Variants in GRID2 observed in about 807,000 individuals in gnomAD.
The protein encoded by GRID2 is glutamate receptor ionotropic, delta-2.
A neutral mutation model predicts 114.8 loss-of-function variants in GRID2; 33 were observed. The observed-to-expected ratio is 0.29, with a 90% confidence interval of 0.22 to 0.38. The LOEUF is 0.38. GRID2 is among the 10% of genes least tolerant of loss of function. The pLI, the probability that GRID2 is intolerant of heterozygous loss-of-function variation, is 1.00. For synonymous variants in GRID2, 505 were observed against 449.9 expected, an observed-to-expected ratio of 1.12 and a Z score of -1.55; for missense variants, 1,184 against 1,257.7, an observed-to-expected ratio of 0.94 and a Z score of 0.89.
At chr4:92,846,869 A>G (rs1173305862) in intron 2 of GRID2, among the ~76,000 whole-genome samples, 2 of 152,054 alleles carry the variant, frequency 1.3e-5, no homozygotes, top group Non-Finnish European at 2.9e-5. Flanking sequence ...GCGCTATGCT[A>G]TTTACAAAGG....
At chr4:93,125,299 G>A (rs1428724204) in intron 4 of GRID2, among the ~76,000 whole-genome samples, 3 of 151,774 alleles carry the variant, frequency 2.0e-5, no homozygotes, top group African/African-American at 7.3e-5. Flanking sequence ...GCATGAAAGA[G>A]TATATATATG....
chr4:92,652,917 A>AAC (rs1560512621), intron 2 of GRID2, among the ~76,000 whole-genome samples: 7 of 131,204 alleles, frequency 5.3e-5, no homozygotes, highest in African/African-American at 1.7e-4. Context: ...TATATTTATA[A>AAC]ATACATATAA....
chr4:92,445,488 A>G (rs1182492987), intron 1 of GRID2, among the ~76,000 whole-genome samples: 1 of 152,236 alleles, frequency 6.6e-6, no homozygotes, highest in East Asian at 1.9e-4. Flanking sequence ...TTCATGTTGT[A>G]TACAGCTGAA....
intron 2 of GRID2, among the ~76,000 whole-genome samples, chr4:92,607,884 C>A (rs926572320): frequency 6.6e-6 from 1 of 151,490 alleles, no homozygotes; most frequent in Admixed American, 6.6e-5. Context: ...TGTGCGTAAA[C>A]AATAGGATAA....
At chr4:93,273,703 C>CCCTGCCATT (rs1751750162) in intron 8 of GRID2, among the ~76,000 whole-genome samples, 1 of 151,942 alleles carries the variant, frequency 6.6e-6, no homozygotes, top group East Asian at 1.9e-4. Context: ...GAAAGACAGG[C>CCCTGCCATT]CCTGCCATTG....
intron 1 of GRID2, among the ~76,000 whole-genome samples, chr4:92,406,590 G>A (rs997933001): frequency 2.0e-5 from 3 of 151,794 alleles, no homozygotes; most frequent in African/African-American, 7.3e-5. Context: ...ATACATGCAA[G>A]TTTGTTACAT....
At chr4:93,686,413 G>C (rs1184936743) in intron 14 of GRID2, among the ~76,000 whole-genome samples, 1 of 151,688 alleles carries the variant, frequency 6.6e-6, no homozygotes, top group East Asian at 1.9e-4. Flanking sequence ...CAGTCCAACT[G>C]TTCCCTCAGC....
chr4:93,343,822 C>G (rs1759910689), intron 8 of GRID2, among the ~76,000 whole-genome samples: 1 of 151,986 alleles, frequency 6.6e-6, no homozygotes, highest in Non-Finnish European at 1.5e-5. Flanking sequence ...GTGCAACATA[C>G]AAAATATTAG....
At chr4:93,713,047 T>G (rs1578637322) in intron 14 of GRID2, among the ~76,000 whole-genome samples, 1 of 152,238 alleles carries the variant, frequency 6.6e-6, no homozygotes, top group Admixed American at 6.5e-5. Context: ...TATAAGAGTT[T>G]TTTGTTATGT....
At chr4:93,118,588 T>A (rs1170008996) in intron 4 of GRID2, among the ~76,000 whole-genome samples, 1 of 152,196 alleles carries the variant, frequency 6.6e-6, no homozygotes, top group East Asian at 1.9e-4. Flanking sequence ...CTCTGCAGAT[T>A]GTAGAGGACA....
intron 2 of GRID2, among the ~76,000 whole-genome samples, chr4:92,819,682 C>T (rs553101670): frequency 1.3e-5 from 2 of 152,134 alleles, no homozygotes; most frequent in African/African-American, 4.8e-5. Context: ...TATTTGACTA[C>T]CAACTGCAGG....
chr4:93,049,687 T>C (rs1221156393), intron 2 of GRID2, among the ~76,000 whole-genome samples: 7 of 151,978 alleles, frequency 4.6e-5, no homozygotes, highest in Non-Finnish European at 8.8e-5. Flanking sequence ...TATTTGTTAC[T>C]TATAAATGGT....
chr4:92,868,577 A>G (rs1352791630), intron 2 of GRID2, among the ~76,000 whole-genome samples: 5 of 152,192 alleles, frequency 3.3e-5, no homozygotes, highest in Non-Finnish European at 5.9e-5. Flanking sequence ...AACAAAGGCA[A>G]TCAGTATGTT....
chr4:93,231,587 C>T lies in GRID2; in HGVS notation c.1126-6784C>T, dbSNP rs541782849. ...TTCACAGCCAAGAAAGACATCTGAG[C>T]CTCTGTTCAGGAATTGCCATGGACG... On this transcript the variant is annotated intron_variant, in intron 7 of 15. Transcript: ENST00000282020. Among the ~76,000 whole-genome samples, 8 of 152,180 alleles carry T rather than the reference C, an allele frequency of 5.3e-5. 1 individual carries two copies. The highest frequency in any genetic ancestry group is 1.9e-4 in the African/African-American group (8 of 41,574).
chr4:92,423,917 AAAAAT>A (rs1233544512), intron 1 of GRID2, among the ~76,000 whole-genome samples: 1 of 152,134 alleles, frequency 6.6e-6, no homozygotes, highest in Admixed American at 6.6e-5. Context: ...TCATAAATTA[AAAAAT>A]AAAAAAGAGA....
intron 2 of GRID2, among the ~76,000 whole-genome samples, chr4:92,990,964 T>C (rs1754865511): frequency 1.3e-5 from 2 of 152,322 alleles, no homozygotes; most frequent in Non-Finnish European, 2.9e-5. Context: ...ATTACTATTA[T>C]GAAAAGTGGG....
At position 93,354,103 on chromosome 4, in the gene GRID2, CT is replaced by C. The variant is rs1321995994; in HGVS notation, c.1246-41503del. Among the ~76,000 whole-genome samples, 3 of 151,790 alleles carry C rather than the reference CT, an allele frequency of 2.0e-5. No individual in the cohort carries two copies. In the Admixed American group the frequency reaches 2.0e-4, roughly 10 times the overall value. ...TTAACTTATTTTATTTTTAAAGCAA[CT>C]CTACAAAGTTGATGATCTTTCTACC... On this transcript the variant is annotated intron_variant, in intron 8 of 15. Coordinates refer to ENST00000282020, the MANE Select transcript of GRID2 (RefSeq NM_001510.4).
At chr4:93,454,828 T>A (rs1035889583) in intron 10 of GRID2, among the ~76,000 whole-genome samples, 1 of 152,142 alleles carries the variant, frequency 6.6e-6, no homozygotes, top group Admixed American at 6.5e-5. Context: ...TCCTGCAGCT[T>A]TAATCACAGC....
intron 2 of GRID2, among the ~76,000 whole-genome samples, chr4:92,766,686 A>T (rs1431848079): frequency 6.6e-6 from 1 of 152,210 alleles, no homozygotes; most frequent in African/African-American, 2.4e-5. Flanking sequence ...AATCATAGAA[A>T]AATACATATA....
Sources: allele counts gnomAD v4.1 joint callset (sites outside exome capture counted in the v4.1 genomes callset), GRCh38; gene constraint gnomAD v4.1.1; transcripts MANE v1.5; gene names NCBI Gene and HGNC (gene_info 2026-07-23, HGNC 2026-07-21).